SLC24A2: variants seen among roughly 807,000 people sequenced by gnomAD.
SLC24A2 encodes the protein solute carrier family 24 member 2, also known as sodium/potassium/calcium exchanger 2.
SLC24A2 carries 36 observed loss-of-function variants against 62.0 expected under a neutral mutation model. That is an observed-to-expected ratio of 0.58 (90% CI 0.44 to 0.77). The LOEUF (loss-of-function observed/expected upper bound fraction) is 0.77, where lower values mean the gene tolerates loss of function less well. SLC24A2 is among the 30% of genes least tolerant of loss of function. The probability of loss-of-function intolerance (pLI) is 0.00; values close to 1 mark genes in which losing one functional copy is unlikely to be tolerated. For synonymous variants in SLC24A2, 358 were observed against 294.0 expected (o/e 1.22, Z -2.23); for missense variants, 846 against 817.9 (o/e 1.03, Z -0.42).
chr9:20,122,665 G>A, the SLC24A2 span, among the ~76,000 whole-genome samples: 13 of 152,060 alleles, frequency 8.5e-5, no homozygotes, highest in East Asian at 3.9e-4. Flanking sequence ...CAGCCTGGGC[G>A]ACAGAGCTAG....
chr9:20,277,568 A>G, the SLC24A2 span, among the ~76,000 whole-genome samples: 7 of 152,194 alleles, frequency 4.6e-5, no homozygotes, highest in Middle Eastern at 3.4e-3. Flanking sequence ...AATGGCAATC[A>G]TTAAAAAGTC....
At chr9:20,254,840 G>A in the SLC24A2 span, among the ~76,000 whole-genome samples, 2 of 152,166 alleles carry the variant, frequency 1.3e-5, no homozygotes, top group Non-Finnish European at 2.9e-5. Context: ...CATGGCTGGG[G>A]AGGCCTCACA....
the SLC24A2 span, among the ~76,000 whole-genome samples, chr9:20,173,210 C>A: frequency 6.6e-6 from 1 of 151,950 alleles, no homozygotes; most frequent in South Asian, 2.1e-4. Context: ...TGTGACAAAC[C>A]CACAACCAAC....
At chr9:19,883,855 G>T in the SLC24A2 span, among the ~76,000 whole-genome samples, 1 of 152,092 alleles carries the variant, frequency 6.6e-6, no homozygotes. Flanking sequence ...GTATCTCTAA[G>T]GCTCCTCCGA....
chr9:19,687,460 G>A (rs60165675), intron 2 of SLC24A2, among the ~76,000 whole-genome samples: 2 of 152,152 alleles, frequency 1.3e-5, no homozygotes, highest in South Asian at 4.2e-4. Context: ...GGAGCAAACA[G>A]ACAAATTCCT....
At chr9:19,944,948 T>C in the SLC24A2 span, among the ~76,000 whole-genome samples, 2 of 152,206 alleles carry the variant, frequency 1.3e-5, no homozygotes, top group African/African-American at 4.8e-5. Context: ...TCACCCTGTA[T>C]GTATCTTATC....
chr9:20,147,873 T>G, the SLC24A2 span, among the ~76,000 whole-genome samples: 1 of 152,124 alleles, frequency 6.6e-6, no homozygotes, highest in African/African-American at 2.4e-5. Context: ...AGTTTTCTTA[T>G]TCATGAAATG....
chr9:19,700,903 C>A (rs892085776), intron 2 of SLC24A2, among the ~76,000 whole-genome samples: 1 of 152,152 alleles, frequency 6.6e-6, no homozygotes, highest in Non-Finnish European at 1.5e-5. Flanking sequence ...GCAGACCTAA[C>A]GGATCAACAT....
At chr9:19,529,320 G>T (rs1204605166) in intron 8 of SLC24A2, among the ~76,000 whole-genome samples, 1 of 152,108 alleles carries the variant, frequency 6.6e-6, no homozygotes, top group East Asian at 1.9e-4. Flanking sequence ...TCCATTAAAA[G>T]GAAAAGATAA....
At chr9:19,610,101 C>G (rs1837109616) in intron 4 of SLC24A2, among the ~76,000 whole-genome samples, 1 of 152,142 alleles carries the variant, frequency 6.6e-6, no homozygotes, top group South Asian at 2.1e-4. Flanking sequence ...AGAATTATTC[C>G]TACTCCTATG....
chr9:19,895,792 G>A, the SLC24A2 span: 2 of 1,587,068 alleles, frequency 1.3e-6, no homozygotes, highest in Admixed American at 1.8e-5. Flanking sequence ...GGTGGCCTGT[G>A]CCTGTCATCT....
the SLC24A2 span, among the ~76,000 whole-genome samples, chr9:19,964,066 G>C: frequency 1.3e-5 from 2 of 151,962 alleles, no homozygotes; most frequent in Non-Finnish European, 2.9e-5. Context: ...CATGTCCTTT[G>C]TAGGGACATG....
the SLC24A2 span, among the ~76,000 whole-genome samples, chr9:20,002,702 C>T: frequency 6.6e-6 from 1 of 152,150 alleles, no homozygotes; most frequent in Non-Finnish European, 1.5e-5. Context: ...TGACTGTCAC[C>T]AAGGAGGTCA....
chr9:19,843,270 G>T, the SLC24A2 span, among the ~76,000 whole-genome samples: 1 of 152,224 alleles, frequency 6.6e-6, no homozygotes, highest in Non-Finnish European at 1.5e-5. Flanking sequence ...GGGAGGCCAA[G>T]GTGGGTGGAT....
the SLC24A2 span, among the ~76,000 whole-genome samples, chr9:19,829,846 TAG>T: frequency 2.4e-4 from 35 of 144,530 alleles, no homozygotes; most frequent in East Asian, 2.5e-3. Flanking sequence ...CACACATATA[TAG>T]AACTTTTTTA....
intron 5 of SLC24A2, among the ~76,000 whole-genome samples, chr9:19,590,287 T>C (rs892066983): frequency 6.6e-6 from 1 of 152,230 alleles, no homozygotes; most frequent in African/African-American, 2.4e-5. Context: ...TGGCCCTGAA[T>C]GTCCCCAATC....
At chr9:19,970,903 G>T in the SLC24A2 span, among the ~76,000 whole-genome samples, 1 of 152,274 alleles carries the variant, frequency 6.6e-6, no homozygotes, top group African/African-American at 2.4e-5. Context: ...TGATTGGACA[G>T]AAATATAAGA....
At chr9:20,213,302 T>C in the SLC24A2 span, among the ~76,000 whole-genome samples, 1 of 151,832 alleles carries the variant, frequency 6.6e-6, no homozygotes, top group Non-Finnish European at 1.5e-5. Flanking sequence ...AGCAAATAAC[T>C]ATCACAACCT....
chr9:19,544,472 A>C (rs1166847244), intron 8 of SLC24A2, among the ~76,000 whole-genome samples: 1 of 152,104 alleles, frequency 6.6e-6, no homozygotes, highest in Non-Finnish European at 1.5e-5. Flanking sequence ...TTCTGTCATT[A>C]TGATGCTAAC....
Sources: allele counts gnomAD v4.1 joint callset (sites outside exome capture counted in the v4.1 genomes callset), GRCh38; gene constraint gnomAD v4.1.1; transcripts MANE v1.5; gene names NCBI Gene and HGNC (gene_info 2026-07-23, HGNC 2026-07-21).